The following MAFG variants were observed in gnomAD, a reference collection of about 807,000 sequenced individuals.
The protein encoded by MAFG is MAF bZIP transcription factor G.
In MAFG, 3 loss-of-function variants were observed where a neutral mutation model predicts 12.2. The ratio of observed to expected loss-of-function variants is 0.25; its 90% CI spans 0.11 to 0.64. The LOEUF (loss-of-function observed/expected upper bound fraction) is 0.64, where lower values mean the gene tolerates loss of function less well. MAFG is among the 30% of genes least tolerant of loss of function. The pLI is 0.85. For missense variants in MAFG, 153 were observed against 235.5 expected (o/e 0.65, Z 2.29); for synonymous variants, 126 against 109.1 (o/e 1.15, Z -0.96).
Position 81,920,181 on chromosome 17 carries a change from G to C in MAFG, c.*2424C>G, listed in dbSNP as rs1263538540. ...GATTCTACTTAGACAAGATCAGACT[G>C]AGGGGAGGGGGATGAAGTCACTAAA... On this transcript the variant is annotated 3_prime_UTR_variant, in exon 3 of 3. Coordinates refer to ENST00000357736, the MANE Select transcript of MAFG (RefSeq NM_002359.4). 2 of 152,366 alleles carry C rather than the reference G, an allele frequency of 1.3e-5. No individual in the cohort carries two copies. The highest frequency in any genetic ancestry group is 2.1e-4 in the South Asian group (1 of 4,828). 9.4% of individuals were successfully genotyped at this position (152,366 alleles called of 1,614,324 possible). A position where few individuals can be genotyped will look rare whatever the true frequency, so the allele number is the denominator to read the frequency against.
chr17:81,925,870 G>C (rs1380134140), intron 1 of MAFG, among the ~76,000 whole-genome samples: 1 of 151,520 alleles, frequency 6.6e-6, no homozygotes, highest in Non-Finnish European at 1.5e-5. Flanking sequence ...TTTTCCCAGG[G>C]CATCAAACTC....
chr17:81,929,490 T>A (rs181654965), upstream of MAFG: 137 of 152,434 alleles, frequency 9.0e-4, no homozygotes, highest in African/African-American at 3.1e-3. This position sits in a 1 kb window ranked among gnomAD's most constrained non-coding sequence, Gnocchi z 5.7. Flanking sequence ...CTGAAGGTGT[T>A]CCGTGGTCAG....
Position 81,919,000 on chromosome 17 carries a change from C to T in MAFG, c.*3605G>A, listed in dbSNP as rs1226280370. ...CCCAGGACACAGGCCAGAGGCAGGA[C>T]AGGCATTAGTCTCTCAGACACGCCC... is the stretch of plus-strand genomic sequence containing the variant. On this transcript the variant is annotated 3_prime_UTR_variant, in exon 3 of 3. Coordinates refer to ENST00000357736, the MANE Select transcript of MAFG (RefSeq NM_002359.4). The T allele has an allele frequency of 1.3e-5, 2 of 152,274 alleles. No homozygotes were observed. Among genetic ancestry groups the T allele is most frequent in the African/African-American group, 4.8e-5 (2 of 41,454 alleles). The allele number at this position is 152,274 out of a possible 1,614,324, so 9.4% of individuals were successfully genotyped here.
chr17:81,926,346 G>A lies in MAFG; in HGVS notation c.-30+1182C>T, dbSNP rs2040939419. 6.6e-6 allele frequency among the ~76,000 whole-genome samples: 1 copy of A among 152,098 alleles called. No individual in the cohort carries two copies. The highest frequency in any genetic ancestry group is 2.1e-4 in the South Asian group (1 of 4,826). ...ACCAGCCCATCTGCTGCACCCCAAG[G>A]CTAGGCACCCTGAAGCTCCCACCAC... is the stretch of plus-strand genomic sequence containing the variant. On this transcript the variant is annotated intron_variant, in intron 1 of 2. Coordinates refer to ENST00000357736, the MANE Select transcript of MAFG (RefSeq NM_002359.4). The surrounding 1 kb of genome is among the most constrained non-coding windows in gnomAD (Gnocchi z 4.6).
Position 81,921,823 on chromosome 17 carries a change from TC to T in MAFG, c.*781del, listed in dbSNP as rs2040893211. On this transcript the variant is annotated 3_prime_UTR_variant, in exon 3 of 3. Coordinates refer to ENST00000357736, the MANE Select transcript of MAFG (RefSeq NM_002359.4). ...TTATAAATACTCTGCAGCTCTTTTTTCTTTAACTTTTAAACATATAATTAAT... is the reference window on the plus strand; with the variant it reads ...TTATAAATACTCTGCAGCTCTTTTTTTTTAACTTTTAAACATATAATTAAT... The T allele has an allele frequency of 6.6e-6, 1 of 151,984 alleles. No individual in the cohort carries two copies. Among genetic ancestry groups the T allele is most frequent in the South Asian group, 2.1e-4 (1 of 4,820 alleles). 9.4% of individuals were successfully genotyped at this position (151,984 alleles called of 1,614,324 possible).
intron 1 of MAFG, among the ~76,000 whole-genome samples, chr17:81,925,369 A>G (rs1054569370): frequency 2.6e-5 from 4 of 152,226 alleles, no homozygotes; most frequent in African/African-American, 9.6e-5. Context: ...GTGCCTGAAC[A>G]CAGACAGCCC....
Position 81,918,356 on chromosome 17 carries a change from G to A in MAFG, c.*4249C>T, listed in dbSNP as rs2040850201. 2 of 371,196 alleles carry A rather than the reference G, an allele frequency of 5.4e-6. No homozygotes were observed. The highest frequency in any genetic ancestry group is 9.6e-6 in the Non-Finnish European group (2 of 207,716). 23.0% of individuals were successfully genotyped at this position (371,196 alleles called of 1,614,324 possible). ...ACACTATGTACAGCAATAAATACCC[G>A]GGGGGCCAGGCCCAGTGCTGCCCCT... On this transcript the variant is annotated 3_prime_UTR_variant, in exon 3 of 3. Transcript: ENST00000357736.
Position 81,922,532 on chromosome 17 carries a change from A to AG in MAFG, c.*72dup, listed in dbSNP as rs1169384656. ...GGGAGGAAAGAGAAGAGAAGGAAAC[A>AG]GAGGGACAGGGCAGCCAAATTCGCC... On this transcript the variant is annotated 3_prime_UTR_variant, in exon 3 of 3. Coordinates refer to ENST00000357736, the MANE Select transcript of MAFG (RefSeq NM_002359.4). The AG allele has an allele frequency of 2.6e-6, 3 of 1,161,572 alleles. No individual in the cohort carries two copies. The highest frequency in any genetic ancestry group is 3.5e-6 in the Non-Finnish European group (3 of 864,582). 72.0% of individuals were successfully genotyped at this position (1,161,572 alleles called of 1,614,324 possible). A position where few individuals can be genotyped will look rare whatever the true frequency, so the allele number is the denominator to read the frequency against.
upstream of MAFG, chr17:81,928,403 G>A (rs1294827620): frequency 6.6e-6 from 1 of 152,178 alleles, no homozygotes; most frequent in Admixed American, 6.5e-5. The surrounding 1 kb of genome is among the most constrained non-coding windows in gnomAD (Gnocchi z 8.1). Flanking sequence ...TCCCTTCGCA[G>A]CTGTGAATCC....
At chr17:81,928,391 C>G (rs1373514957), upstream of MAFG, 1 of 152,174 alleles carries the variant, frequency 6.6e-6, no homozygotes, top group Non-Finnish European at 1.5e-5. The surrounding 1 kb of genome is among the most constrained non-coding windows in gnomAD (Gnocchi z 8.1). Flanking sequence ...CCTCCACCCT[C>G]TTCCCTTCGC....
rs957444819 is a variant in MAFG, at chr17:81,924,798, T to G, written c.-29-1584A>C. ...CAGGAGACAGGCCCTCAGCCAAGCATGGAGGGGCCCCCCAGCCTTGAGTGC... is the reference window on the plus strand; with the variant it reads ...CAGGAGACAGGCCCTCAGCCAAGCAGGGAGGGGCCCCCCAGCCTTGAGTGC... On this transcript the variant is annotated intron_variant, in intron 1 of 2. Transcript: ENST00000357736. The surrounding 1 kb of genome is among the most constrained non-coding windows in gnomAD (Gnocchi z 4.7). Among the ~76,000 whole-genome samples, 3 of 152,180 alleles carry G rather than the reference T, an allele frequency of 2.0e-5. No individual in the cohort carries two copies. The highest frequency in any genetic ancestry group is 4.4e-5 in the Non-Finnish European group (3 of 68,026).
rs2376532 is a variant in MAFG at position 81,923,503 on chromosome 17, A to T, written c.-29-289T>A. On this transcript the variant is annotated intron_variant, in intron 1 of 2. Coordinates refer to ENST00000357736, the MANE Select transcript of MAFG (RefSeq NM_002359.4). ...GGAAGGCAGGCGCAAGACAAGGGGC[A>T]GGGGAGAGATTAGAAGGAATAAGAC... The T allele has an allele frequency of 9.6e-6, 3 of 311,948 alleles. No homozygotes were observed. Among genetic ancestry groups the T allele is most frequent in the Non-Finnish European group, 1.8e-5 (3 of 169,412 alleles). 19.3% of individuals were successfully genotyped at this position (311,948 alleles called of 1,614,324 possible).
intron 1 of MAFG, among the ~76,000 whole-genome samples, chr17:81,925,213 G>T (rs1209822585): frequency 6.6e-6 from 1 of 152,006 alleles, no homozygotes; most frequent in Non-Finnish European, 1.5e-5. Flanking sequence ...GCTCCCAGAG[G>T]CTAATAAGCC....
At chr17:81,923,266 C>CCA (rs559848764) in intron 1 of MAFG, 52 bp from the exon 2 acceptor site, 1 of 951,690 alleles carries the variant, frequency 1.1e-6, no homozygotes, top group Non-Finnish European at 1.4e-6. Flanking sequence ...CGCCGCACCC[C>CCA]CCCCCCCCCG....
chr17:81,922,677 G>A lies in MAFG; in HGVS notation c.417C>T (p.Pro139=), dbSNP rs761926161. 1 of 1,507,680 alleles carries A rather than the reference G, an allele frequency of 6.6e-7. No homozygotes were observed. The highest frequency in any genetic ancestry group is 1.3e-5 in the South Asian group (1 of 74,376). 93.4% of individuals were successfully genotyped at this position (1,507,680 alleles called of 1,614,324 possible). ...ARGPLAAGLG[P]LVPGKVAATS... ...TGGCGGCCACCTTGCCTGGGACGAG[G>A]GGCCCCAGGCCGGCGGCAAGGGGGC... Residue 139 remains proline, a synonymous_variant, in exon 3 of 3, where the codon CCC becomes CCT. Transcript: ENST00000357736.
intron 1 of MAFG, 61 bp from the exon 2 acceptor site, chr17:81,923,275 C>A (rs898903832): frequency 2.4e-4 from 232 of 966,472 alleles, no homozygotes; most frequent in Admixed American, 3.7e-4. Flanking sequence ...CCCCCCCCCC[C>A]GCCCCCGGCC....
Position 81,925,624 on chromosome 17 carries a change from C to T in MAFG, c.-30+1904G>A, listed in dbSNP as rs888217012. On this transcript the variant is annotated intron_variant, in intron 1 of 2. Transcript: ENST00000357736. Reference sequence around the variant, plus strand: ...GAGATCGAGACCATCCTGGCTAACACGGTGAAACCCCGTCTCTACTAAAAA... The same window carrying T: ...GAGATCGAGACCATCCTGGCTAACATGGTGAAACCCCGTCTCTACTAAAAA... Among the ~76,000 whole-genome samples the T allele has an allele frequency of 7.9e-5, 12 of 152,048 alleles. No individual in the cohort carries two copies. The East Asian group carries it at 1.2e-3, about 15-fold the overall frequency.
chr17:81,925,300 G>A (rs1274085790), intron 1 of MAFG, among the ~76,000 whole-genome samples: 2 of 152,220 alleles, frequency 1.3e-5, no homozygotes, highest in Non-Finnish European at 2.9e-5. Context: ...CACACTGAGA[G>A]CCAGGAAAGG....
In MAFG at chr17:81,927,693, C is replaced by G. The variant is rs912715959; in HGVS notation, c.-195G>C. On this transcript the variant is annotated 5_prime_UTR_variant, in exon 1 of 3. Coordinates refer to ENST00000357736, the MANE Select transcript of MAFG (RefSeq NM_002359.4). ...ACTGGGAAGGCCGGGCCGGACCAGG[C>G]TCGGGATCCGCCGCCGCCGCCGCCG... is the stretch of plus-strand genomic sequence containing the variant. 2 of 151,856 alleles carry G rather than the reference C, an allele frequency of 1.3e-5. No homozygotes were observed. Among genetic ancestry groups the G allele is most frequent in the Non-Finnish European group, 2.9e-5 (2 of 67,824 alleles). The allele number at this position is 151,856 out of a possible 1,614,324, so 9.4% of individuals were successfully genotyped here.
Sources: gnomAD v4.1 joint callset for allele counts (sites outside exome capture counted in the v4.1 genomes callset) on GRCh38, gnomAD v4.1.1 for gene constraint, Gnocchi (gnomAD v3.1) non-coding constraint, MANE v1.5 for transcripts, NCBI Gene and HGNC (gene_info 2026-07-23, HGNC 2026-07-21) for gene names.